The following RGS6 variants were observed in gnomAD, a reference collection of about 807,000 sequenced individuals.
RGS6 encodes the protein regulator of G-protein signaling 6.
Under a neutral mutation model 78.5 loss-of-function variants are expected in RGS6, and 30 were observed. The ratio of observed to expected loss-of-function variants is 0.38; its 90% confidence interval spans 0.29 to 0.52. RGS6 has a LOEUF of 0.52. Ranked by LOEUF, RGS6 falls within the 20% of genes least tolerant of loss-of-function variation. RGS6 has a pLI of 0.85. For missense variants in RGS6, 495 were observed against 609.7 expected, an observed-to-expected ratio of 0.81 and a Z score of 1.98; for synonymous variants, 206 against 206.0, an observed-to-expected ratio of 1.00 and a Z score of 0.00.
chr14:72,081,845 T>G (rs1035964792), intron 2 of RGS6, among the ~76,000 whole-genome samples: 1 of 152,080 alleles, frequency 6.6e-6, no homozygotes, highest in African/African-American at 2.4e-5. Context: ...CACACCTACT[T>G]CTTCTCGTAA....
At chr14:71,997,675 G>A (rs1000472441) in intron 2 of RGS6, among the ~76,000 whole-genome samples, 2 of 152,166 alleles carry the variant, frequency 1.3e-5, no homozygotes, top group African/African-American at 2.4e-5. Context: ...CAACATTTCG[G>A]GGGTGGGAGG....
chr14:72,122,745 T>TG (rs1249082514), intron 2 of RGS6, among the ~76,000 whole-genome samples: 9 of 149,798 alleles, frequency 6.0e-5, no homozygotes, highest in African/African-American at 2.2e-4. Context: ...TTATCGTTTT[T>TG]TTTTTTTTTT....
intron 2 of RGS6, among the ~76,000 whole-genome samples, chr14:72,335,353 C>T (rs1277336744): frequency 6.6e-6 from 1 of 152,110 alleles, no homozygotes; most frequent in Non-Finnish European, 1.5e-5. Flanking sequence ...CCAGGGTTCT[C>T]CTGTTTTCTG....
intron 7 of RGS6, 41 bp from the exon 8 acceptor site, chr14:72,469,966 C>T (rs371315458): frequency 2.2e-4 from 323 of 1,460,964 alleles, no homozygotes; most frequent in Non-Finnish European, 2.8e-4. Flanking sequence ...TGCTAATTTA[C>T]GATGATTAAT....
chr14:71,929,930 A>G (rs979006202), upstream of RGS6, among the ~76,000 whole-genome samples: 1 of 152,164 alleles, frequency 6.6e-6, no homozygotes, highest in Non-Finnish European at 1.5e-5. Flanking sequence ...TTCTTTTGAC[A>G]TGTCTCCATA....
At chr14:71,875,722 T>A in the RGS6 span, among the ~76,000 whole-genome samples, 1 of 152,230 alleles carries the variant, frequency 6.6e-6, no homozygotes, top group East Asian at 1.9e-4. Flanking sequence ...CTCTAGTTCT[T>A]TGAATTGTGA....
chr14:72,607,200 G>T, the RGS6 span, among the ~76,000 whole-genome samples: 2 of 152,160 alleles, frequency 1.3e-5, no homozygotes, highest in Non-Finnish European at 2.9e-5. Context: ...AAATTGATGG[G>T]ATAAAATGTC....
chr14:72,551,799 A>ACT (rs2097510627), intron 17 of RGS6, among the ~76,000 whole-genome samples: 1 of 152,226 alleles, frequency 6.6e-6, no homozygotes, highest in Non-Finnish European at 1.5e-5. Flanking sequence ...ACAGTGTTGG[A>ACT]CTGTGTCATG....
At chr14:72,386,795 T>A (rs924696218) in intron 3 of RGS6, among the ~76,000 whole-genome samples, 1 of 152,238 alleles carries the variant, frequency 6.6e-6, no homozygotes, top group East Asian at 1.9e-4. Context: ...GGTATTGCTT[T>A]TGTGCTTAAA....
chr14:72,379,284 G>A (rs932923944), intron 3 of RGS6, among the ~76,000 whole-genome samples: 3 of 152,048 alleles, frequency 2.0e-5, no homozygotes, highest in Non-Finnish European at 4.4e-5. Context: ...AGACAAGGAT[G>A]CCCACTCTTA....
At chr14:72,235,601 A>G (rs984454609) in intron 2 of RGS6, among the ~76,000 whole-genome samples, 2 of 152,248 alleles carry the variant, frequency 1.3e-5, no homozygotes, top group Non-Finnish European at 2.9e-5. Flanking sequence ...TTTACCTGGT[A>G]GCAGCCACCT....
chr14:72,280,870 C>T (rs952113514), intron 2 of RGS6, among the ~76,000 whole-genome samples: 1 of 152,154 alleles, frequency 6.6e-6, no homozygotes, highest in Non-Finnish European at 1.5e-5. Flanking sequence ...CGGCCAAATG[C>T]CTCGTCCCAC....
chr14:71,957,312 C>A (rs1566907542), intron 1 of RGS6, among the ~76,000 whole-genome samples: 1 of 152,200 alleles, frequency 6.6e-6, no homozygotes, highest in East Asian at 1.9e-4. Flanking sequence ...GCCAGATGGC[C>A]TGAGTGCCAC....
intron 2 of RGS6, among the ~76,000 whole-genome samples, chr14:72,140,202 C>T (rs1305730122): frequency 1.3e-5 from 2 of 150,244 alleles, no homozygotes; most frequent in African/African-American, 4.8e-5. Flanking sequence ...CCACAACCCA[C>T]TTCTTGAAAA....
Position 72,540,480 on chromosome 14 carries a change from A to G in RGS6, c.1422+386A>G, listed in dbSNP as rs1377452348. 5 of 1,554,938 alleles carry G rather than the reference A, an allele frequency of 3.2e-6. No homozygotes were observed. In the African/African-American group the frequency reaches 5.5e-5, roughly 17 times the overall value. ...CCGTGAAATAAATTGGCTCAGAACCATAGCTCATCGAAAAAAAAAAAAAAA... is the reference window on the plus strand; with the variant it reads ...CCGTGAAATAAATTGGCTCAGAACCGTAGCTCATCGAAAAAAAAAAAAAAA... On this transcript the variant is annotated intron_variant, in intron 17 of 17. Transcript: ENST00000553525.
intron 3 of RGS6, among the ~76,000 whole-genome samples, chr14:72,396,248 A>T (rs1414204087): frequency 6.6e-6 from 1 of 152,190 alleles, no homozygotes; most frequent in Non-Finnish European, 1.5e-5. Flanking sequence ...GATGGATGGT[A>T]TCTCATTGTG....
the RGS6 span, among the ~76,000 whole-genome samples, chr14:71,906,576 C>T: frequency 1.2e-4 from 18 of 152,292 alleles, no homozygotes; most frequent in African/African-American, 4.3e-4. Context: ...CCCTTGACAC[C>T]ATTCATTCTC....
intron 2 of RGS6, among the ~76,000 whole-genome samples, chr14:71,984,777 T>A (rs2094619541): frequency 6.6e-6 from 1 of 152,230 alleles, no homozygotes; most frequent in African/African-American, 2.4e-5. Context: ...CATTTTTAGC[T>A]CTGTGTCTCA....
chr14:72,237,274 C>T (rs989215250), intron 2 of RGS6, among the ~76,000 whole-genome samples: 1 of 152,128 alleles, frequency 6.6e-6, no homozygotes, highest in African/African-American at 2.4e-5. Flanking sequence ...TGCGCTGTTT[C>T]CAGTTTGCAG....
Sources: allele counts gnomAD v4.1 joint callset (sites outside exome capture counted in the v4.1 genomes callset), GRCh38; gene constraint gnomAD v4.1.1; transcripts MANE v1.5; gene names NCBI Gene and HGNC (gene_info 2026-07-23, HGNC 2026-07-21).